Variants in PPRC1 observed in about 807,000 individuals in gnomAD.
PPRC1 encodes the protein peroxisome proliferator-activated receptor gamma coactivator-related protein 1.
In PPRC1, 23 loss-of-function variants were observed where a neutral mutation model predicts 132.5. That is an observed-to-expected ratio of 0.17 (90% CI 0.12 to 0.25). The LOEUF (loss-of-function observed/expected upper bound fraction) is 0.25, where lower values mean the gene tolerates loss of function less well. Among genes scored for constraint, PPRC1 ranks in the 10% least tolerant of loss-of-function variants. PPRC1 has a pLI of 1.00. For synonymous variants in PPRC1, 872 were observed against 833.5 expected, an observed-to-expected ratio of 1.05 and a Z score of -0.80; for missense variants, 2,006 against 2,089.1, an observed-to-expected ratio of 0.96 and a Z score of 0.78.
chr10:102,126,553 G>T, the PPRC1 span, among the ~76,000 whole-genome samples: 1 of 151,018 alleles, frequency 6.6e-6, no homozygotes, highest in African/African-American at 2.4e-5. Context: ...CTGCCTCCTG[G>T]GTTCAAGCGA....
the PPRC1 span, among the ~76,000 whole-genome samples, chr10:102,127,876 CAG>C: frequency 3.6e-4 from 54 of 152,040 alleles, no homozygotes; most frequent in African/African-American, 8.0e-4. Flanking sequence ...TTTCTAGAGA[CAG>C]GGGTTTCGCT....
chr10:102,145,954 C>A (rs1314096611), intron 8 of PPRC1, among the ~76,000 whole-genome samples: 1 of 152,078 alleles, frequency 6.6e-6, no homozygotes, highest in Non-Finnish European at 1.5e-5. Flanking sequence ...AGAAACTAAT[C>A]CCCTAAGCTG....
chr10:102,145,666 C>T (rs568336972), intron 8 of PPRC1, among the ~76,000 whole-genome samples: 89 of 151,776 alleles, frequency 5.9e-4, no homozygotes, highest in Middle Eastern at 3.5e-3. Context: ...AGATCGAGAC[C>T]ATCCTGGCTA....
At chr10:102,123,518 A>G in the PPRC1 span, among the ~76,000 whole-genome samples, 2 of 152,070 alleles carry the variant, frequency 1.3e-5, no homozygotes, top group African/African-American at 4.8e-5. Flanking sequence ...GGTAAAATTC[A>G]CATAACATAA....
chr10:102,141,506 C>T lies in PPRC1; in HGVS notation c.2998C>T (p.Pro1000Ser), dbSNP rs766177696. 5.0e-6 allele frequency: 8 copies of T among 1,613,900 alleles called. No homozygotes were observed. The highest frequency in any genetic ancestry group is 6.8e-6 in the Non-Finnish European group (8 of 1,180,000). Residue 1000 changes from proline (P) to serine (S), a missense_variant, in exon 5 of 14, where the codon CCT becomes TCT. Coordinates refer to ENST00000278070, the MANE Select transcript of PPRC1 (RefSeq NM_015062.5). ...HAPFWSTVPPPPLPPASIGRA... is the reference protein window; with the variant it reads ...HAPFWSTVPPSPLPPASIGRA... ...TCCATTCTGGTCTACTGTTCCCCCA[C>T]CTCCTTTGCCTCCAGCCTCCATTGG... is the stretch of plus-strand genomic sequence containing the variant.
rs1311712321 is a variant in PPRC1 at position 102,139,376 on chromosome 10, G to A, written c.868G>A (p.Ala290Thr). The A allele has an allele frequency of 1.2e-6, 2 of 1,614,124 alleles. No individual in the cohort carries two copies. The highest frequency in any genetic ancestry group is 1.3e-5 in the African/African-American group (1 of 74,934). Residue 290 changes from alanine to threonine, a missense_variant, in exon 5 of 14, where the codon GCA becomes ACA. Coordinates refer to ENST00000278070, the MANE Select transcript of PPRC1 (RefSeq NM_015062.5). ...CPEEEDKATA[A>T]EMAVPAAGDE... Reference sequence around the variant, plus strand: ...TGAGGAGGAAGATAAAGCAACAGCAGCAGAGATGGCAGTGCCAGCAGCTGG... The same window carrying A: ...TGAGGAGGAAGATAAAGCAACAGCAACAGAGATGGCAGTGCCAGCAGCTGG...
In PPRC1 at chr10:102,148,156, C is replaced by T. The variant is rs1186424438; in HGVS notation, c.4401-216C>T. Among the ~76,000 whole-genome samples, 1 of 152,138 alleles carries T rather than the reference C, an allele frequency of 6.6e-6. No homozygotes were observed. The highest frequency in any genetic ancestry group is 1.5e-5 in the Non-Finnish European group (1 of 68,028). ...GCACAATTGAAAATGTGATCTCTTC[C>T]AAAACACTTCACAACATTCCAGGTA... On this transcript the variant is annotated intron_variant, in intron 9 of 13. Coordinates refer to ENST00000278070, the MANE Select transcript of PPRC1 (RefSeq NM_015062.5). This position sits in a 1 kb window ranked among gnomAD's most constrained non-coding sequence, Gnocchi z 4.2.
intron 5 of PPRC1, among the ~76,000 whole-genome samples, chr10:102,142,351 T>A (rs2069025264): frequency 7.4e-6 from 1 of 135,282 alleles, no homozygotes; most frequent in Non-Finnish European, 1.6e-5. Context: ...TCCGCCTACC[T>A]CAGCCTCCCA....
chr10:102,150,089 C>A lies in PPRC1; in HGVS notation c.*60C>A, dbSNP rs530019914. On this transcript the variant is annotated 3_prime_UTR_variant, in exon 14 of 14. Transcript: ENST00000278070. ...TGGAGGTGCCCAACCTCCTCCACCCCCTTCCCCTACTCTAGGGGAGAGAGC... is the reference window on the plus strand; with the variant it reads ...TGGAGGTGCCCAACCTCCTCCACCCACTTCCCCTACTCTAGGGGAGAGAGC... The A allele has an allele frequency of 2.4e-6, 3 of 1,270,114 alleles. No individual in the cohort carries two copies. The highest frequency in any genetic ancestry group is 2.3e-6 in the Non-Finnish European group (2 of 867,980). The allele number at this position is 1,270,114 out of a possible 1,614,324, so 78.7% of individuals were successfully genotyped here.
Position 102,139,506 on chromosome 10 carries a change from A to G in PPRC1, c.998A>G (p.Gln333Arg). ...TCACTTGAGGATGAGCTTCAGGAGCAGCCAGATGATTTGACACTGCCTGAG... is the reference window on the plus strand; with the variant it reads ...TCACTTGAGGATGAGCTTCAGGAGCGGCCAGATGATTTGACACTGCCTGAG... ...LASLEDELQEQPDDLTLPEGC... is the reference protein window; with the variant it reads ...LASLEDELQERPDDLTLPEGC... The change falls in exon 5 of 14, where the codon CAG becomes CGG. Residue 333 changes from glutamine to arginine, a missense_variant. Gln to Arg is a conservative substitution (Grantham distance 43). This residue lies in a region of PPRC1 where 1,914 missense variants were observed against 1,917.2 expected (regional missense o/e 1.00). Transcript: ENST00000278070. 1 of 1,613,976 alleles carries G rather than the reference A, an allele frequency of 6.2e-7. No individual in the cohort carries two copies.
the PPRC1 span, among the ~76,000 whole-genome samples, chr10:102,127,329 A>T: frequency 5.9e-5 from 9 of 151,930 alleles, no homozygotes; most frequent in African/African-American, 2.2e-4. Context: ...GGCTGAGACC[A>T]CGCCACTGCA....
chr10:102,131,150 G>A (rs952734916), upstream of PPRC1, among the ~76,000 whole-genome samples: 19 of 148,076 alleles, frequency 1.3e-4, no homozygotes, highest in Admixed American at 1.1e-3. Context: ...AGCCAAGATC[G>A]CGCCACTGCA....
At position 102,139,091 on chromosome 10, in the gene PPRC1, C is replaced by T. The variant is rs752869049; in HGVS notation, c.592-9C>T. ...AAACTCCTCCTGAGACCTCTCTTCTCTCCTGCAGGTTGAAATGTCTCTTCC... is the reference window on the plus strand; with the variant it reads ...AAACTCCTCCTGAGACCTCTCTTCTTTCCTGCAGGTTGAAATGTCTCTTCC... On this transcript the variant is annotated splice_polypyrimidine_tract_variant and intron_variant, in intron 4 of 13. Transcript: ENST00000278070. 1.2e-5 allele frequency: 20 copies of T among 1,607,196 alleles called. No individual in the cohort carries two copies. The African/African-American group carries it at 2.4e-4, about 19-fold the overall frequency.
At chr10:102,128,475 G>T (rs2068495638), upstream of PPRC1, among the ~76,000 whole-genome samples, 1 of 151,612 alleles carries the variant, frequency 6.6e-6, no homozygotes, top group South Asian at 2.1e-4. Context: ...TTGCCATGTG[G>T]GCCTCTCCAT....
intron 1 of PPRC1, 88 bp downstream of exon 1, chr10:102,133,309 C>A (rs1326249437): frequency 1.5e-5 from 17 of 1,134,208 alleles, no homozygotes; most frequent in Non-Finnish European, 1.7e-5. Flanking sequence ...AGAGAGGAAG[C>A]GCCTGAGAGT....
the PPRC1 span, chr10:102,119,988 A>G: frequency 2.1e-6 from 2 of 953,550 alleles, no homozygotes; most frequent in Non-Finnish European, 2.9e-6. Context: ...CCCCCATGCC[A>G]TCGACGCCCC....
chr10:102,133,965 G>C (rs1265339933), intron 1 of PPRC1, among the ~76,000 whole-genome samples: 1 of 151,908 alleles, frequency 6.6e-6, no homozygotes, highest in Admixed American at 6.6e-5. Flanking sequence ...GCGGGAGTTT[G>C]TTCCCTGCGG....
the PPRC1 span, chr10:102,120,509 G>C: frequency 4.6e-6 from 2 of 434,498 alleles, no homozygotes; most frequent in Non-Finnish European, 6.1e-6. Context: ...GGCAGGGCCG[G>C]GCTTTATTAA....
chr10:102,139,917 C>A lies in PPRC1; in HGVS notation c.1409C>A (p.Ala470Asp). Residue 470 changes from alanine (A) to aspartate (D), a missense_variant, in exon 5 of 14, where the codon GCC (alanine) becomes GAC (aspartate). By Grantham distance (126) the Ala-to-Asp change is moderately radical. Around this residue, in one of 2 missense-constraint regions of PPRC1, gnomAD observed 1,914 missense variants for 1,917.2 expected, o/e 1.00. Transcript: ENST00000278070. ...AAGAAGAGCAAGGAGCAGCCAGCAG[C>A]CTGTGTGGAAGGCTATGCCAGGAGG... ...RKKKSKEQPAACVEGYARRLR... is the reference protein window; with the variant it reads ...RKKKSKEQPADCVEGYARRLR... 1.2e-6 allele frequency: 2 copies of A among 1,614,224 alleles called. No individual in the cohort carries two copies. The highest frequency in any genetic ancestry group is 1.7e-6 in the Non-Finnish European group (2 of 1,180,050).
Sources: allele counts gnomAD v4.1 joint callset (sites outside exome capture counted in the v4.1 genomes callset), GRCh38; gene constraint gnomAD v4.1.1; regional missense constraint gnomAD v4.1.1; non-coding constraint Gnocchi (gnomAD v3.1); transcripts MANE v1.5; gene names NCBI Gene and HGNC (gene_info 2026-07-23, HGNC 2026-07-21).